The following MPRIP variants were observed in gnomAD, a reference collection of about 807,000 sequenced individuals.
MPRIP encodes the protein myosin phosphatase Rho interacting protein, also known as myosin phosphatase Rho-interacting protein.
MPRIP carries 59 observed loss-of-function variants against 234.9 expected under a neutral mutation model. The ratio of observed to expected loss-of-function variants is 0.25; its 90% confidence interval spans 0.20 to 0.31. The LOEUF (loss-of-function observed/expected upper bound fraction) is 0.31, where lower values mean the gene tolerates loss of function less well. Ranked by LOEUF, MPRIP falls within the 10% of genes least tolerant of loss-of-function variation. The probability of loss-of-function intolerance (pLI) is 1.00; values close to 1 mark genes in which losing one functional copy is unlikely to be tolerated. For synonymous variants in MPRIP, 1,144 were observed against 1,263.9 expected (o/e 0.91, Z 2.01); for missense variants, 2,436 against 3,071.0 (o/e 0.79, Z 4.89).
At chr17:17,157,776 C>T (rs958107546) in intron 13 of MPRIP, among the ~76,000 whole-genome samples, 1 of 151,010 alleles carries the variant, frequency 6.6e-6, no homozygotes, top group Non-Finnish European at 1.5e-5. Flanking sequence ...TGTGGTGAGC[C>T]GAGATCGCGC....
intron 1 of MPRIP, among the ~76,000 whole-genome samples, chr17:17,069,811 A>G (rs1023878723): frequency 2.0e-5 from 3 of 152,052 alleles, no homozygotes; most frequent in African/African-American, 7.2e-5. Flanking sequence ...GGAAAGCCTA[A>G]TTATTTACCC....
intron 23 of MPRIP, among the ~76,000 whole-genome samples, chr17:17,180,834 T>C (rs898210914): frequency 1.3e-4 from 20 of 152,246 alleles, no homozygotes; most frequent in Non-Finnish European, 2.5e-4. Flanking sequence ...CTCTAACCTC[T>C]TAACAGAGAT....
chr17:17,131,194 A>G (rs986923078), intron 4 of MPRIP, among the ~76,000 whole-genome samples: 1 of 151,866 alleles, frequency 6.6e-6, no homozygotes, highest in African/African-American at 2.4e-5. Context: ...AAGAGTACCC[A>G]TTGTGGGAAC....
Position 17,154,383 on chromosome 17 carries a change from C to T in MPRIP, c.1797C>T (p.His599=), listed in dbSNP as rs139833325. Residue 599 remains histidine (H), a synonymous_variant, in exon 13 of 24, where the codon CAC becomes CAT. Transcript: ENST00000651222. ...ACTGGATCCAGACCATCATGAAGCACGTGCACCCGACCACTGCCCCGGATG... is the reference window on the plus strand; with the variant it reads ...ACTGGATCCAGACCATCATGAAGCATGTGCACCCGACCACTGCCCCGGATG... ...RRNWIQTIMK[H]VHPTTAPDVT... 28 of 1,610,936 alleles carry T rather than the reference C, an allele frequency of 1.7e-5. No individual in the cohort carries two copies. The Middle Eastern group carries it at 5.0e-4, about 29-fold the overall frequency.
At chr17:17,053,607 G>T (rs565561426) in intron 1 of MPRIP, among the ~76,000 whole-genome samples, 4 of 152,358 alleles carry the variant, frequency 2.6e-5, no homozygotes, top group African/African-American at 9.6e-5. Flanking sequence ...GCGAGATGGG[G>T]CAGGGGCAGT....
chr17:17,085,628 T>G (rs1208472094), intron 3 of MPRIP, among the ~76,000 whole-genome samples: 1 of 152,238 alleles, frequency 6.6e-6, no homozygotes, highest in African/African-American at 2.4e-5. Flanking sequence ...GAATACACAC[T>G]GACGGCTGGG....
intron 5 of MPRIP, among the ~76,000 whole-genome samples, chr17:17,135,439 G>C (rs186200513): frequency 1.4e-4 from 22 of 152,228 alleles, no homozygotes; most frequent in African/African-American, 5.3e-4. Context: ...GTGTGTGCCT[G>C]TGTGCAGATT....
chr17:17,130,617 C>T (rs2090578689), intron 4 of MPRIP, among the ~76,000 whole-genome samples: 1 of 152,082 alleles, frequency 6.6e-6, no homozygotes, highest in African/African-American at 2.4e-5. Context: ...TGCCAGCAGG[C>T]CCAGCGTGGA....
intron 1 of MPRIP, among the ~76,000 whole-genome samples, chr17:17,069,793 C>CAAG (rs1324742854): frequency 5.3e-5 from 8 of 152,234 alleles, no homozygotes; most frequent in Admixed American, 2.6e-4. Flanking sequence ...ACAGAAAACT[C>CAAG]AAGAGAAGGA....
chr17:17,133,853 T>C (rs144513374), intron 5 of MPRIP, among the ~76,000 whole-genome samples: 37 of 151,938 alleles, frequency 2.4e-4, no homozygotes, highest in African/African-American at 7.7e-4. Context: ...CTCCAGGCAA[T>C]AAAGGAAAAA....
chr17:17,184,383 A>T (rs2046431968), intron 23 of MPRIP, among the ~76,000 whole-genome samples: 1 of 152,188 alleles, frequency 6.6e-6, no homozygotes, highest in Non-Finnish European at 1.5e-5. Context: ...CCTGCTGGGG[A>T]TTCCCTGGAG....
Position 17,186,710 on chromosome 17 carries a change from C to T in MPRIP, c.*1816C>T, listed in dbSNP as rs1156434558. ...CTCCAGCCTGGGTGACAAAGCAAGG[C>T]CCCATATCAGATATAGATATACTTA... On this transcript the variant is annotated 3_prime_UTR_variant, in exon 24 of 24. Transcript: ENST00000651222. 2 of 152,188 alleles carry T rather than the reference C, an allele frequency of 1.3e-5. No individual in the cohort carries two copies. The highest frequency in any genetic ancestry group is 2.9e-5 in the Non-Finnish European group (2 of 68,070). The allele number at this position is 152,188 out of a possible 1,614,324, so 9.4% of individuals were successfully genotyped here.
chr17:17,138,305 C>CTTTT lies in MPRIP; in HGVS notation c.1126_1127insTTTT (p.Pro376LeufsTer3). The CTTTT allele has an allele frequency of 7.0e-6, 3 of 428,074 alleles. No individual in the cohort carries two copies. Among genetic ancestry groups the CTTTT allele is most frequent in the Non-Finnish European group, 1.2e-5 (3 of 242,174 alleles). The allele number at this position is 428,074 out of a possible 1,614,324, so 26.5% of individuals were successfully genotyped here. On this transcript the variant is annotated frameshift_variant, in exon 7 of 24. Coordinates refer to ENST00000651222, the MANE Select transcript of MPRIP (RefSeq NM_001364716.4). LOFTEE classifies it high-confidence loss of function. This position sits in a 1 kb window ranked among gnomAD's most constrained non-coding sequence, Gnocchi z 5.8. The stretch of plus-strand genomic sequence containing the variant: ...GCAATATGCCACCCTGGCCGACGTC[C>CTTTT]CTAAGGCCATCAGGATCAGCCACCG...
intron 5 of MPRIP, among the ~76,000 whole-genome samples, chr17:17,133,498 A>G (rs959915552): frequency 1.5e-4 from 23 of 152,166 alleles, no homozygotes; most frequent in African/African-American, 5.6e-4. Flanking sequence ...GCTGGGGGTA[A>G]ACCTCACACC....
chr17:17,180,178 C>A, intron 23 of MPRIP, 90 bp downstream of exon 23: 1 of 1,088,626 alleles, frequency 9.2e-7, no homozygotes. Context: ...TCCCATGGGC[C>A]ACAGCTGCCA....
chr17:17,133,252 C>A (rs2090632323), intron 5 of MPRIP, among the ~76,000 whole-genome samples: 1 of 152,228 alleles, frequency 6.6e-6, no homozygotes, highest in African/African-American at 2.4e-5. Context: ...CTAAGACAAC[C>A]TTGCGGGGTC....
In MPRIP at chr17:17,167,708, G is replaced by C; in HGVS notation, c.6117G>C (p.Gln2039His). The C allele has an allele frequency of 7.7e-7, 1 of 1,304,168 alleles. No homozygotes were observed. The highest frequency in any genetic ancestry group is 1.0e-6 in the Non-Finnish European group (1 of 988,956). The allele number at this position is 1,304,168 out of a possible 1,614,324, so 80.8% of individuals were successfully genotyped here. A position where few individuals can be genotyped will look rare whatever the true frequency, so the allele number is the denominator to read the frequency against. The part of the protein sequence containing the change: ...RCLQDTLCLH[Q>H]GPHPKALPAP... The stretch of plus-strand genomic sequence containing the variant: ...TTCAGGACACCCTCTGCCTCCACCA[G>C]GGGCCACACCCCAAGGCCCTGCCAG... The change falls in exon 16 of 24, where the codon CAG (glutamine) becomes CAC (histidine). Residue 2039 changes from glutamine (Q) to histidine (H), a missense_variant. Transcript: ENST00000651222. The surrounding 1 kb of genome is among the most constrained non-coding windows in gnomAD (Gnocchi z 5.9).
chr17:17,166,520 A>T lies in MPRIP; in HGVS notation c.4929A>T (p.Ala1643=), dbSNP rs1179837617. 7.7e-7 allele frequency: 1 copy of T among 1,304,280 alleles called. No individual in the cohort carries two copies. 80.8% of individuals were successfully genotyped at this position (1,304,280 alleles called of 1,614,324 possible). The change falls in exon 16 of 24, where the codon GCA becomes GCT. Residue 1643 remains alanine (A), a synonymous_variant. Coordinates refer to ENST00000651222, the MANE Select transcript of MPRIP (RefSeq NM_001364716.4). This position sits in a 1 kb window ranked among gnomAD's most constrained non-coding sequence, Gnocchi z 4.4. ...ACTTGGGGACACTGGGAGGAGAGGC[A>T]GTCGGTGCCTCAGGAGACGGGCAGC... is the stretch of plus-strand genomic sequence containing the variant. ...RKHLGTLGGE[A]VGASGDGQQS... is the part of the protein sequence containing the mutation.
chr17:17,068,931 A>T (rs1364555372), intron 1 of MPRIP, among the ~76,000 whole-genome samples: 1 of 152,124 alleles, frequency 6.6e-6, no homozygotes, highest in Admixed American at 6.5e-5. Context: ...AGCTTAGATT[A>T]TTTATTTGAG....
Sources: gnomAD v4.1 joint callset for allele counts (sites outside exome capture counted in the v4.1 genomes callset) on GRCh38, gnomAD v4.1.1 for gene constraint, Gnocchi (gnomAD v3.1) non-coding constraint, MANE v1.5 for transcripts, NCBI Gene and HGNC (gene_info 2026-07-23, HGNC 2026-07-21) for gene names.